CTNNA2: variants seen among roughly 807,000 people sequenced by gnomAD.
CTNNA2 encodes the protein catenin alpha-2.
In CTNNA2, 42 loss-of-function variants were observed where a neutral mutation model predicts 101.0. That is an observed-to-expected ratio of 0.42 (90% CI 0.32 to 0.54). CTNNA2 has a LOEUF of 0.54. Ranked by LOEUF, CTNNA2 falls within the 20% of genes least tolerant of loss-of-function variation. The pLI is 0.14. For missense variants in CTNNA2, 871 were observed against 1,223.1 expected, an observed-to-expected ratio of 0.71 and a Z score of 4.29; for synonymous variants, 450 against 456.4, an observed-to-expected ratio of 0.99 and a Z score of 0.18.
rs3979544 is a variant in CTNNA2, at chr2:79,443,903, A to ACTCTCTCTCTCTCTCTCTCTCTCT, written c.-134-61136_-134-61113dup. 1.2e-3 allele frequency among the ~76,000 whole-genome samples: 165 copies of ACTCTCTCTCTCTCTCTCTCTCTCT among 141,884 alleles called. 3 individuals are homozygous for ACTCTCTCTCTCTCTCTCTCTCTCT. The East Asian group carries it at 0.012, about 10-fold the overall frequency. The allele number at this position is 141,884 out of a possible 152,430, so 93.1% of individuals were successfully genotyped here. A position where few individuals can be genotyped will look rare whatever the true frequency, so the allele number is the denominator to read the frequency against. On this transcript the variant is annotated intron_variant, in intron 4 of 21. Coordinates refer to the CTNNA2 transcript ENST00000466387. The stretch of plus-strand genomic sequence containing the variant: ...AAGCTTTTATCTTATTTGTATACAT[A>ACTCTCTCTCTCTCTCTCTCTCTCT]CTCTCTCTCTCTCTCTCTCTCTCTC...
chr2:80,132,713 TTAA>T (rs1702479809), intron 7 of CTNNA2, among the ~76,000 whole-genome samples: 12 of 152,240 alleles, frequency 7.9e-5, no homozygotes, highest in Admixed American at 7.8e-4. Flanking sequence ...TAGCAGAATG[TTAA>T]TAATTGTTGA....
chr2:80,561,445 C>T (rs566627882), intron 12 of CTNNA2, among the ~76,000 whole-genome samples: 1 of 152,124 alleles, frequency 6.6e-6, no homozygotes, highest in East Asian at 1.9e-4. Flanking sequence ...TTCCTAAAAG[C>T]AAATGCAAGG....
chr2:80,101,607 A>T (rs1215714935), intron 7 of CTNNA2, among the ~76,000 whole-genome samples: 2 of 152,228 alleles, frequency 1.3e-5, no homozygotes, highest in Non-Finnish European at 2.9e-5. Flanking sequence ...TTTGGGCAGT[A>T]ATTCAGGTGC....
At chr2:80,264,657 A>G (rs1050215113) in intron 7 of CTNNA2, among the ~76,000 whole-genome samples, 2 of 152,154 alleles carry the variant, frequency 1.3e-5, no homozygotes, top group Admixed American at 1.3e-4. Flanking sequence ...TGAAAATATC[A>G]AATATCTCTA....
At chr2:80,036,111 T>C (rs944202911) in intron 7 of CTNNA2, among the ~76,000 whole-genome samples, 3 of 152,158 alleles carry the variant, frequency 2.0e-5, no homozygotes, top group Non-Finnish European at 4.4e-5. Context: ...CACCCAACCC[T>C]AGCAGAGTGC....
chr2:79,877,770 T>G (rs1386730158), intron 6 of CTNNA2, among the ~76,000 whole-genome samples: 1 of 152,204 alleles, frequency 6.6e-6, no homozygotes, highest in Non-Finnish European at 1.5e-5. Context: ...TTTGAAATGC[T>G]GAAGTAAAAG....
At chr2:80,204,706 A>G (rs1707419409) in intron 7 of CTNNA2, among the ~76,000 whole-genome samples, 1 of 152,116 alleles carries the variant, frequency 6.6e-6, no homozygotes, top group Non-Finnish European at 1.5e-5. Flanking sequence ...ACCCAGTTCC[A>G]AAGTAGCTTC....
intron 2 of CTNNA2, among the ~76,000 whole-genome samples, chr2:79,243,786 G>A (rs893598870): frequency 2.0e-5 from 3 of 152,110 alleles, no homozygotes; most frequent in Non-Finnish European, 2.9e-5. Context: ...AAGGGAGAAG[G>A]GGTAAGGAAT....
chr2:79,286,602 A>G (rs1272094258), intron 2 of CTNNA2, among the ~76,000 whole-genome samples: 1 of 150,690 alleles, frequency 6.6e-6, no homozygotes, highest in Non-Finnish European at 1.5e-5. Flanking sequence ...TCTGGCTTGT[A>G]GAGTTTCTGC....
intron 3 of CTNNA2, among the ~76,000 whole-genome samples, chr2:79,842,720 A>G (rs942096549): frequency 2.6e-5 from 4 of 151,640 alleles, no homozygotes; most frequent in African/African-American, 9.7e-5. Flanking sequence ...TTTTTTTTAA[A>G]TCTTTGAAAT....
intron 18 of CTNNA2, among the ~76,000 whole-genome samples, chr2:80,621,675 A>G (rs745501420): frequency 2.6e-5 from 4 of 151,946 alleles, no homozygotes; most frequent in Non-Finnish European, 5.9e-5. Flanking sequence ...AAAATTACCT[A>G]TGTAATATTG....
intron 6 of CTNNA2, among the ~76,000 whole-genome samples, chr2:79,895,851 A>G (rs922087236): frequency 6.6e-6 from 1 of 152,124 alleles, no homozygotes; most frequent in East Asian, 1.9e-4. Flanking sequence ...GCTTAAGACC[A>G]TATAAAAATG....
chr2:80,433,989 G>C (rs1681789429), intron 9 of CTNNA2, among the ~76,000 whole-genome samples: 2 of 152,168 alleles, frequency 1.3e-5, no homozygotes, highest in Admixed American at 6.5e-5. Context: ...TGCTTAACTA[G>C]AATTGTGGAA....
chr2:79,392,710 C>A (rs1678188153), intron 4 of CTNNA2, among the ~76,000 whole-genome samples: 4 of 152,104 alleles, frequency 2.6e-5, no homozygotes, highest in Admixed American at 2.0e-4. Flanking sequence ...TTCATGAATA[C>A]AATGGAAATC....
At chr2:80,170,431 C>A (rs868042574) in intron 7 of CTNNA2, among the ~76,000 whole-genome samples, 19 of 152,152 alleles carry the variant, frequency 1.2e-4, no homozygotes, top group Middle Eastern at 3.2e-3. Context: ...ACCAGTAGAA[C>A]TGATATGTGG....
chr2:79,949,516 C>G (rs1283918155), intron 7 of CTNNA2, among the ~76,000 whole-genome samples: 1 of 151,936 alleles, frequency 6.6e-6, no homozygotes, highest in Non-Finnish European at 1.5e-5. Context: ...CCCTATAATC[C>G]CAGTACTTTG....
intron 3 of CTNNA2, among the ~76,000 whole-genome samples, chr2:79,326,548 C>G (rs944317729): frequency 6.6e-6 from 1 of 151,974 alleles, no homozygotes. Flanking sequence ...AAATACTTGT[C>G]TTTCTTGGGC....
intron 1 of CTNNA2, among the ~76,000 whole-genome samples, chr2:79,644,201 C>A (rs939376402): frequency 1.3e-5 from 2 of 152,010 alleles, no homozygotes; most frequent in African/African-American, 2.4e-5. Context: ...CCACACCTAG[C>A]TAATTTTTTT....
At chr2:80,400,405 T>C (rs1559078034) in intron 8 of CTNNA2, among the ~76,000 whole-genome samples, 1 of 152,196 alleles carries the variant, frequency 6.6e-6, no homozygotes, top group Non-Finnish European at 1.5e-5. Flanking sequence ...TGCTCCAGGA[T>C]GTCCTCATAT....
Sources: gnomAD v4.1 joint callset for allele counts (sites outside exome capture counted in the v4.1 genomes callset) on GRCh38, gnomAD v4.1.1 for gene constraint, MANE v1.5 for transcripts, NCBI Gene and HGNC (gene_info 2026-07-23, HGNC 2026-07-21) for gene names.